MAPK10: variants seen among roughly 807,000 people sequenced by gnomAD.
The protein encoded by MAPK10 is mitogen-activated protein kinase 10.
In MAPK10, 25 loss-of-function variants were observed where a neutral mutation model predicts 59.3. That is an observed-to-expected ratio of 0.42 (90% CI 0.31 to 0.59). The LOEUF is 0.59. MAPK10 is among the 20% of genes least tolerant of loss of function. MAPK10 has a pLI of 0.15. For missense variants in MAPK10, 351 were observed against 568.9 expected, an observed-to-expected ratio of 0.62 and a Z score of 3.90; for synonymous variants, 190 against 200.5, an observed-to-expected ratio of 0.95 and a Z score of 0.44.
intron 1 of MAPK10, among the ~76,000 whole-genome samples, chr4:86,569,816 GA>G (rs1003349534): frequency 3.9e-5 from 6 of 152,040 alleles, no homozygotes; most frequent in Non-Finnish European, 8.8e-5. Context: ...GTGGGTGAGA[GA>G]GGGGGTGAGG....
At chr4:86,526,790 G>T (rs577045731) in intron 1 of MAPK10, among the ~76,000 whole-genome samples, 44 of 152,126 alleles carry the variant, frequency 2.9e-4, no homozygotes, top group African/African-American at 9.4e-4. Context: ...AGAATTTTTT[G>T]ATTTCTGCCT....
intron 2 of MAPK10, among the ~76,000 whole-genome samples, chr4:86,200,750 A>C (rs2082433700): frequency 6.6e-6 from 1 of 151,906 alleles, no homozygotes; most frequent in African/African-American, 2.4e-5. Context: ...ATACATATTT[A>C]TGGGGTACAT....
At chr4:86,070,299 C>T (rs190550308) in intron 9 of MAPK10, among the ~76,000 whole-genome samples, 3 of 151,338 alleles carry the variant, frequency 2.0e-5, no homozygotes, top group African/African-American at 7.3e-5. Flanking sequence ...TCATAGAATA[C>T]AAACATGAAC....
At chr4:86,328,446 T>C (rs1253400772) in intron 2 of MAPK10, among the ~76,000 whole-genome samples, 2 of 152,162 alleles carry the variant, frequency 1.3e-5, no homozygotes, top group African/African-American at 4.8e-5. Flanking sequence ...ACTGTGGCGA[T>C]TCCTCAAGGA....
chr4:86,051,082 C>G (rs997240125), intron 11 of MAPK10, among the ~76,000 whole-genome samples: 2 of 152,114 alleles, frequency 1.3e-5, no homozygotes, highest in African/African-American at 4.8e-5. Context: ...GTTTTACATA[C>G]ATTATATTCT....
intron 1 of MAPK10, among the ~76,000 whole-genome samples, chr4:86,487,834 A>C (rs1367981326): frequency 6.6e-6 from 1 of 152,224 alleles, no homozygotes; most frequent in Non-Finnish European, 1.5e-5. Flanking sequence ...ATACAACTTA[A>C]AATAAAATCA....
chr4:86,569,141 C>T lies in MAPK10; in HGVS notation c.-263+24769G>A, dbSNP rs575825719. Among the ~76,000 whole-genome samples, 25 of 151,912 alleles carry T rather than the reference C, an allele frequency of 1.6e-4. No homozygotes were observed. The South Asian group carries it at 3.3e-3, about 20-fold the overall frequency. On this transcript the variant is annotated intron_variant, in intron 1 of 4. Transcript: ENST00000502302. ...ACTCCACTAAAAAGTAGGCAGAGGACGTGAACAGACACTTATCAAAAAAAG... is the reference window on the plus strand; with the variant it reads ...ACTCCACTAAAAAGTAGGCAGAGGATGTGAACAGACACTTATCAAAAAAAG...
intron 11 of MAPK10, among the ~76,000 whole-genome samples, chr4:86,059,191 A>T (rs2045231975): frequency 6.6e-6 from 1 of 152,198 alleles, no homozygotes; most frequent in Middle Eastern, 3.2e-3. Context: ...ATATCCAGTA[A>T]GATATAATGG....
intron 3 of MAPK10, among the ~76,000 whole-genome samples, chr4:86,162,423 T>A (rs967845771): frequency 2.0e-5 from 3 of 152,020 alleles, no homozygotes; most frequent in African/African-American, 7.2e-5. Context: ...CAAGGATCAA[T>A]AACAAAGGTA....
intron 1 of MAPK10, among the ~76,000 whole-genome samples, chr4:86,449,483 A>C (rs1750437109): frequency 6.6e-6 from 1 of 152,226 alleles, no homozygotes. Context: ...ATTTCAATTT[A>C]CCATAGTACC....
intron 2 of MAPK10, among the ~76,000 whole-genome samples, chr4:86,200,265 C>T (rs570074161): frequency 8.3e-4 from 126 of 152,052 alleles, no homozygotes; most frequent in Admixed American, 2.2e-3. Flanking sequence ...ATGCATATAT[C>T]CCTGAAACAC....
chr4:86,010,957 G>C lies in MAPK10; in HGVS notation c.*6271C>G, dbSNP rs1404731884. The stretch of plus-strand genomic sequence containing the variant: ...TTCAGTGATTAAGAAATAAAGCCAC[G>C]TACCCCACGGAGTGAAATTTGAATT... On this transcript the variant is annotated 3_prime_UTR_variant, in exon 14 of 14. Coordinates refer to ENST00000641462, the MANE Select transcript of MAPK10 (RefSeq NM_138982.4). 1 of 152,288 alleles carries C rather than the reference G, an allele frequency of 6.6e-6. No homozygotes were observed. Among genetic ancestry groups the C allele is most frequent in the East Asian group, 1.9e-4 (1 of 5,190 alleles). The allele number at this position is 152,288 out of a possible 1,614,324, so 9.4% of individuals were successfully genotyped here. A position where few individuals can be genotyped will look rare whatever the true frequency, so the allele number is the denominator to read the frequency against.
chr4:86,442,971 A>G (rs1485787787), intron 1 of MAPK10, among the ~76,000 whole-genome samples: 3 of 152,320 alleles, frequency 2.0e-5, no homozygotes, highest in Non-Finnish European at 4.4e-5. Flanking sequence ...TTTATGATCC[A>G]TCAGAGAAGG....
At chr4:86,267,820 A>C (rs1466557125) in intron 2 of MAPK10, among the ~76,000 whole-genome samples, 2 of 152,254 alleles carry the variant, frequency 1.3e-5, no homozygotes, top group East Asian at 3.9e-4. Flanking sequence ...AGCAAAACCT[A>C]TCTCTACCTT....
chr4:86,478,496 A>G (rs1300766819), intron 1 of MAPK10, among the ~76,000 whole-genome samples: 1 of 152,048 alleles, frequency 6.6e-6, no homozygotes, highest in African/African-American at 2.4e-5. Flanking sequence ...AACTATGCTC[A>G]ACTCACTCTC....
chr4:86,106,613 A>T (rs1002871872), intron 5 of MAPK10, among the ~76,000 whole-genome samples: 1 of 151,800 alleles, frequency 6.6e-6, no homozygotes, highest in Non-Finnish European at 1.5e-5. Flanking sequence ...AAATGAAGAA[A>T]GTCCTTTACT....
chr4:86,159,210 T>C, intron 4 of MAPK10, 88 bp downstream of exon 4: 1 of 1,015,270 alleles, frequency 9.8e-7, no homozygotes. Context: ...GCTATTTATT[T>C]TGGGGATTTT....
chr4:86,516,092 C>T (rs1415046134), intron 1 of MAPK10, among the ~76,000 whole-genome samples: 1 of 152,098 alleles, frequency 6.6e-6, no homozygotes, highest in African/African-American at 2.4e-5. Context: ...TTTCATTCTT[C>T]TACATGTGGC....
intron 1 of MAPK10, among the ~76,000 whole-genome samples, chr4:86,415,034 G>A (rs1469975266): frequency 6.6e-6 from 1 of 151,730 alleles, no homozygotes; most frequent in Non-Finnish European, 1.5e-5. Flanking sequence ...GCTACTCAGG[G>A]GAGACCGAGG....
Sources: allele counts gnomAD v4.1 joint callset (sites outside exome capture counted in the v4.1 genomes callset), GRCh38; gene constraint gnomAD v4.1.1; transcripts MANE v1.5; gene names NCBI Gene and HGNC (gene_info 2026-07-23, HGNC 2026-07-21).